The following SPATA13 variants were observed in gnomAD, a reference collection of about 807,000 sequenced individuals.
SPATA13 encodes spermatogenesis-associated protein 13.
A neutral mutation model predicts 104.0 loss-of-function variants in SPATA13; 50 were observed. The ratio of observed to expected loss-of-function variants is 0.48; its 90% CI spans 0.38 to 0.61. The LOEUF (loss-of-function observed/expected upper bound fraction) is 0.61. Ranked by LOEUF, SPATA13 falls within the 20% of genes least tolerant of loss-of-function variation. SPATA13 has a pLI of 0.00. For missense variants in SPATA13, 1,524 were observed against 1,690.6 expected (o/e 0.90, Z 1.73); for synonymous variants, 606 against 667.5 (o/e 0.91, Z 1.42).
intron 3 of SPATA13, among the ~76,000 whole-genome samples, chr13:24,074,645 A>G (rs1400742409): frequency 6.6e-6 from 1 of 152,246 alleles, no homozygotes; most frequent in East Asian, 1.9e-4. Flanking sequence ...GATTAAAAAA[A>G]AAACCCTTGT....
intron 3 of SPATA13, among the ~76,000 whole-genome samples, chr13:24,128,800 T>C (rs1435315887): frequency 6.6e-6 from 1 of 152,184 alleles, no homozygotes; most frequent in Non-Finnish European, 1.5e-5. Flanking sequence ...CCACTTGCAC[T>C]TATTTGTAGA....
chr13:24,015,970 G>A lies in SPATA13; in HGVS notation c.-146-1697G>A, dbSNP rs748514290. On this transcript the variant is annotated intron_variant, in intron 2 of 14. Transcript: ENST00000424834. ...CTTCGTCCTTCTGCCCTCGGATGTC[G>A]CGGCTCCTTGGCTCCACAGTGACTT... Among the ~76,000 whole-genome samples, 93 of 152,308 alleles carry A rather than the reference G, an allele frequency of 6.1e-4. 1 individual carries two copies. Among genetic ancestry groups the A allele is most frequent in the Middle Eastern group, 3.4e-3 (1 of 294 alleles).
intron 3 of SPATA13, chr13:24,017,840 C>A: frequency 3.0e-6 from 1 of 338,230 alleles, no homozygotes. Context: ...CTGTTAAAAT[C>A]ACCACAAATT....
chr13:24,054,879 A>G (rs892881720), intron 3 of SPATA13, among the ~76,000 whole-genome samples: 2 of 152,258 alleles, frequency 1.3e-5, no homozygotes, highest in East Asian at 3.8e-4. Flanking sequence ...AGATCATACA[A>G]TAACAGCGCT....
At chr13:24,203,924 G>A (rs1870558927) in intron 1 of SPATA13, among the ~76,000 whole-genome samples, 1 of 152,172 alleles carries the variant, frequency 6.6e-6, no homozygotes, top group Admixed American at 6.5e-5. Flanking sequence ...TGTGGCTCTG[G>A]ATGATTAAGG....
intron 1 of SPATA13, among the ~76,000 whole-genome samples, chr13:24,207,464 A>G (rs1870766952): frequency 6.6e-6 from 1 of 152,174 alleles, no homozygotes; most frequent in South Asian, 2.1e-4. Flanking sequence ...TTGCTAGAGC[A>G]TGTAATAGTT....
At chr13:23,999,255 T>C (rs1875835812) in intron 2 of SPATA13, among the ~76,000 whole-genome samples, 1 of 150,964 alleles carries the variant, frequency 6.6e-6, no homozygotes, top group Non-Finnish European at 1.5e-5. Flanking sequence ...TAACTGGTTT[T>C]ATAAGTCTCA....
chr13:24,255,176 G>A (rs918729057), intron 4 of SPATA13, among the ~76,000 whole-genome samples: 6 of 152,108 alleles, frequency 3.9e-5, no homozygotes, highest in Non-Finnish European at 8.8e-5. Flanking sequence ...TACATTTGCC[G>A]CCGGGAGTTT....
chr13:24,300,134 C>T (rs1877081728), intron 11 of SPATA13, among the ~76,000 whole-genome samples: 1 of 152,208 alleles, frequency 6.6e-6, no homozygotes, highest in South Asian at 2.1e-4. Flanking sequence ...TCGGGCTTCA[C>T]ACAGACATTC....
Position 24,148,657 on chromosome 13 carries a change from G to C in SPATA13, c.-111-74162G>C, listed in dbSNP as rs550120871. On this transcript the variant is annotated intron_variant, in intron 3 of 14. Transcript: ENST00000424834. ...AGGGAGAACTTGGTTGAAGAGTTGA[G>C]AATCTCTGCAAGGAACTGGCTCAGT... 9.8e-5 allele frequency among the ~76,000 whole-genome samples: 15 copies of C among 152,298 alleles called. 1 individual carries two copies. The South Asian group carries it at 1.4e-3, about 15-fold the overall frequency.
rs78876366 is a variant in SPATA13, at chr13:24,180,171, T to C, written c.-112+19239T>C. On this transcript the variant is annotated intron_variant, in intron 1 of 12. Transcript: ENST00000382108. Reference sequence around the variant, plus strand: ...ATTTAGGCCTGTGCTCTATTTTGCATATGGTGTAAGGGAAGATCTCATTTC... The same window carrying C: ...ATTTAGGCCTGTGCTCTATTTTGCACATGGTGTAAGGGAAGATCTCATTTC... 7.0e-3 allele frequency among the ~76,000 whole-genome samples: 1,063 copies of C among 152,332 alleles called. 8 individuals carry two copies. The highest frequency in any genetic ancestry group is 0.024 in the African/African-American group (992 of 41,578).
At chr13:24,010,291 C>G (rs1876411622) in intron 2 of SPATA13, among the ~76,000 whole-genome samples, 1 of 152,150 alleles carries the variant, frequency 6.6e-6, no homozygotes, top group African/African-American at 2.4e-5. Flanking sequence ...ATCAGATATG[C>G]ATTTGCCTTA....
At chr13:24,150,190 C>T (rs1882057170) in intron 3 of SPATA13, among the ~76,000 whole-genome samples, 1 of 152,088 alleles carries the variant, frequency 6.6e-6, no homozygotes, top group South Asian at 2.1e-4. Context: ...TCTACAGTGC[C>T]CGTCTCCCGT....
chr13:24,145,663 G>A (rs1566120637), intron 3 of SPATA13, among the ~76,000 whole-genome samples: 1 of 152,214 alleles, frequency 6.6e-6, no homozygotes, highest in Non-Finnish European at 1.5e-5. Context: ...GGGGAATGAA[G>A]GTATTAGTAA....
chr13:24,180,784 A>C (rs1371122861), intron 1 of SPATA13, among the ~76,000 whole-genome samples: 2 of 152,214 alleles, frequency 1.3e-5, no homozygotes, highest in Non-Finnish European at 2.9e-5. Context: ...TATTGATTGC[A>C]AGTCTATAGA....
chr13:24,232,872 A>G (rs1232974780), intron 2 of SPATA13, among the ~76,000 whole-genome samples: 1 of 152,206 alleles, frequency 6.6e-6, no homozygotes, highest in Non-Finnish European at 1.5e-5. Flanking sequence ...TTTTTTAAAG[A>G]GTCAAAATTC....
intron 2 of SPATA13, among the ~76,000 whole-genome samples, chr13:24,241,772 C>A (rs1278982249): frequency 6.6e-6 from 1 of 152,228 alleles, no homozygotes; most frequent in Admixed American, 6.5e-5. Context: ...TTCCACCAGG[C>A]CAGGCATGGC....
intron 1 of SPATA13, among the ~76,000 whole-genome samples, chr13:24,173,195 A>G (rs1883055110): frequency 6.6e-6 from 1 of 152,166 alleles, no homozygotes; most frequent in Non-Finnish European, 1.5e-5. Flanking sequence ...CTCCTGCCTC[A>G]GCCTCCTGAG....
chr13:24,050,277 T>C (rs1878295970), intron 3 of SPATA13, among the ~76,000 whole-genome samples: 1 of 152,208 alleles, frequency 6.6e-6, no homozygotes, highest in East Asian at 1.9e-4. Context: ...AAAGTTGATT[T>C]TTAGTTGGTA....
Sources: gnomAD v4.1 joint callset for allele counts (sites outside exome capture counted in the v4.1 genomes callset) on GRCh38, gnomAD v4.1.1 for gene constraint, MANE v1.5 for transcripts, NCBI Gene and HGNC (gene_info 2026-07-23, HGNC 2026-07-21) for gene names.